PTPN21: variants seen among roughly 807,000 people sequenced by gnomAD.
PTPN21 encodes the protein protein tyrosine phosphatase non-receptor type 21.
In PTPN21, 77 loss-of-function variants were observed where a neutral mutation model predicts 131.8. The observed-to-expected ratio is 0.58, with a 90% CI of 0.49 to 0.71. PTPN21 has a LOEUF of 0.71. Ranked by LOEUF, PTPN21 falls within the 30% of genes least tolerant of loss-of-function variation. The pLI, the probability that PTPN21 is intolerant of heterozygous loss-of-function variation, is 0.00. For missense variants in PTPN21, 1,552 were observed against 1,527.1 expected, an observed-to-expected ratio of 1.02 and a Z score of -0.27; for synonymous variants, 715 against 621.3, an observed-to-expected ratio of 1.15 and a Z score of -2.24.
chr14:88,544,727 C>T (rs1595419669), intron 2 of PTPN21, among the ~76,000 whole-genome samples: 1 of 152,142 alleles, frequency 6.6e-6, no homozygotes, highest in Admixed American at 6.5e-5. Flanking sequence ...CACTGAAGCA[C>T]CACTGAAGCA....
chr14:88,476,109 G>A (rs930412051), intron 13 of PTPN21, among the ~76,000 whole-genome samples: 2 of 152,148 alleles, frequency 1.3e-5, no homozygotes, highest in Non-Finnish European at 2.9e-5. Flanking sequence ...GGAGATGGGT[G>A]GAGAATTCTA....
chr14:88,551,588 G>A (rs2078870315), intron 1 of PTPN21: 1 of 152,270 alleles, frequency 6.6e-6, no homozygotes, highest in Non-Finnish European at 1.5e-5. Flanking sequence ...AACATTTAAA[G>A]GGACCAGCGC....
intron 4 of PTPN21, 39 bp downstream of exon 4, chr14:88,507,884 T>C: frequency 7.8e-7 from 1 of 1,286,530 alleles, no homozygotes; most frequent in Non-Finnish European, 1.1e-6. Context: ...CACATTTTAA[T>C]CTGATAGAAC....
chr14:88,482,680 G>T (rs189757276), intron 12 of PTPN21, among the ~76,000 whole-genome samples: 1 of 151,902 alleles, frequency 6.6e-6, no homozygotes, highest in Non-Finnish European at 1.5e-5. Context: ...GCTCACAGAG[G>T]GAGGGAAAAA....
In PTPN21 at chr14:88,480,127, T is replaced by C. The variant is rs1196690371; in HGVS notation, c.1304A>G (p.His435Arg). 1.9e-6 allele frequency: 3 copies of C among 1,614,102 alleles called. No homozygotes were observed. The highest frequency in any genetic ancestry group is 3.3e-4 in the Middle Eastern group (2 of 6,060). Residue 435 changes from histidine to arginine, a missense_variant, in exon 13 of 19, where the codon CAT becomes CGT. By Grantham distance (29) the His-to-Arg change is conservative. Coordinates refer to ENST00000556564, the MANE Select transcript of PTPN21 (RefSeq NM_007039.4). Reference sequence around the variant, plus strand: ...CGGGGGTATCACGGCGCTGTGCCGATGGGACGGGAGGTAGTCAGGCCTCAT... The same window carrying C: ...CGGGGGTATCACGGCGCTGTGCCGACGGGACGGGAGGTAGTCAGGCCTCAT... ...DVMRPDYLPS[H>R]RHSAVIPPSY...
intron 14 of PTPN21, among the ~76,000 whole-genome samples, chr14:88,473,142 G>A (rs1426367449): frequency 2.0e-5 from 3 of 151,952 alleles, no homozygotes; most frequent in Admixed American, 6.6e-5. Flanking sequence ...TATGTCATAC[G>A]ATATATAAAA....
intron 10 of PTPN21, among the ~76,000 whole-genome samples, chr14:88,490,809 T>C (rs1416016979): frequency 6.6e-6 from 1 of 152,244 alleles, no homozygotes; most frequent in African/African-American, 2.4e-5. Flanking sequence ...GTTTCCCTTC[T>C]GGAGAAAGTC....
intron 6 of PTPN21, among the ~76,000 whole-genome samples, chr14:88,503,347 C>A (rs77916371): frequency 6.6e-6 from 1 of 152,096 alleles, no homozygotes; most frequent in African/African-American, 2.4e-5. Context: ...ATAACAAAAT[C>A]TTTTTGAGCT....
chr14:88,479,516 C>A lies in PTPN21; in HGVS notation c.1915G>T (p.Glu639Ter). The A allele has an allele frequency of 6.2e-7, 1 of 1,600,774 alleles. No homozygotes were observed. Among genetic ancestry groups the A allele is most frequent in the Non-Finnish European group, 8.5e-7 (1 of 1,179,280 alleles). Residue 639 changes from glutamate to a stop codon, truncating the protein, a stop_gained, in exon 13 of 19, where the codon GAG (glutamate) becomes TAG (stop). Transcript: ENST00000556564. LOFTEE classifies it high-confidence loss of function. ...HAQLHKRNSI[E>*]VAGLSHGLEG... ...AGGCCGTGGCTGAGCCCGGCCACCT[C>A]GATGCTGTTCCGTTTGTGCAGCTGC... is the stretch of plus-strand genomic sequence containing the variant.
At chr14:88,518,408 ATATATATTTTTTTTTTTTTTTT>A (rs1566839993) in intron 2 of PTPN21, among the ~76,000 whole-genome samples, 3 of 18,522 alleles carry the variant, frequency 1.6e-4, no homozygotes, top group East Asian at 3.5e-3. Context: ...ATATATATAT[ATATATATTTTTTTTTTTTTTTT>A]TTTTTTTTTT....
At chr14:88,517,804 A>G (rs1566839103) in intron 2 of PTPN21, among the ~76,000 whole-genome samples, 1 of 146,234 alleles carries the variant, frequency 6.8e-6, no homozygotes, top group Non-Finnish European at 1.5e-5. Context: ...GTACATGTGT[A>G]TTTATGTGTG....
At chr14:88,477,005 T>C (rs1208089994) in intron 13 of PTPN21, among the ~76,000 whole-genome samples, 1 of 152,092 alleles carries the variant, frequency 6.6e-6, no homozygotes, top group African/African-American at 2.4e-5. Context: ...TTGGGGAAAG[T>C]ACGTGAGTCA....
At chr14:88,528,197 A>G (rs2078508189) in intron 2 of PTPN21, among the ~76,000 whole-genome samples, 1 of 152,032 alleles carries the variant, frequency 6.6e-6, no homozygotes, top group South Asian at 2.1e-4. Flanking sequence ...AGATGATGGT[A>G]TTTTGATGGG....
intron 13 of PTPN21, among the ~76,000 whole-genome samples, chr14:88,477,835 T>C (rs2077571286): frequency 6.6e-6 from 1 of 152,166 alleles, no homozygotes; most frequent in African/African-American, 2.4e-5. Context: ...GTGGACACAC[T>C]TCATGACAAG....
At chr14:88,509,001 C>A (rs2078139228) in intron 3 of PTPN21, among the ~76,000 whole-genome samples, 1 of 152,052 alleles carries the variant, frequency 6.6e-6, no homozygotes, top group African/African-American at 2.4e-5. Flanking sequence ...AATTTAAATT[C>A]TATCACCAGT....
chr14:88,513,951 T>C (rs542465272), intron 3 of PTPN21: 1 of 152,378 alleles, frequency 6.6e-6, no homozygotes, highest in East Asian at 1.9e-4. Flanking sequence ...TTGCAGAATG[T>C]GTTGGCGCTG....
At chr14:88,505,458 A>G (rs887147263) in intron 4 of PTPN21, 87 bp from the exon 5 acceptor site, 1 of 814,734 alleles carries the variant, frequency 1.2e-6, no homozygotes, top group East Asian at 2.6e-5. Flanking sequence ...CAGTATATCT[A>G]GATGGTATGC....
At chr14:88,529,732 A>G (rs1442338564) in intron 2 of PTPN21, among the ~76,000 whole-genome samples, 1 of 152,194 alleles carries the variant, frequency 6.6e-6, no homozygotes, top group Non-Finnish European at 1.5e-5. Context: ...CTGTAATCCC[A>G]GCACTTTAGG....
chr14:88,503,224 C>G (rs763174141), intron 6 of PTPN21, among the ~76,000 whole-genome samples: 7 of 151,948 alleles, frequency 4.6e-5, no homozygotes, highest in Non-Finnish European at 8.8e-5. Flanking sequence ...TTAGTGGAGA[C>G]AGGGTTTCAA....
Sources: gnomAD v4.1 joint callset for allele counts (sites outside exome capture counted in the v4.1 genomes callset) on GRCh38, gnomAD v4.1.1 for gene constraint, MANE v1.5 for transcripts, NCBI Gene and HGNC (gene_info 2026-07-23, HGNC 2026-07-21) for gene names.